ARHGAP26: variants seen among roughly 807,000 people sequenced by gnomAD.
ARHGAP26 encodes rho GTPase-activating protein 26.
Under a neutral mutation model 104.8 loss-of-function variants are expected in ARHGAP26, and 38 were observed. The ratio of observed to expected loss-of-function variants is 0.36; its 90% CI spans 0.28 to 0.48. ARHGAP26 has a LOEUF of 0.48. Among genes scored for constraint, ARHGAP26 ranks in the 20% least tolerant of loss-of-function variants. ARHGAP26 has a pLI of 0.99. For missense variants in ARHGAP26, 704 were observed against 947.9 expected (o/e 0.74, Z 3.38); for synonymous variants, 341 against 340.0 (o/e 1.00, Z -0.03).
Position 143,097,591 on chromosome 5 carries a change from C to T in ARHGAP26, c.1539-23397C>T, listed in dbSNP as rs564713827. Among the ~76,000 whole-genome samples the T allele has an allele frequency of 1.6e-4, 25 of 151,804 alleles. No individual in the cohort carries two copies. The South Asian group carries it at 4.0e-3, about 24-fold the overall frequency. On this transcript the variant is annotated intron_variant, in intron 17 of 22. Transcript: ENST00000645722. ...ATCCCAGCACTTTGGGAGGTCGAGG[C>T]GGGTGGATCATGAGGTCAAGAGATT...
rs138300898 is a variant in ARHGAP26 at position 143,158,203 on chromosome 5, G to A, written c.1988+10822G>A. 2.0e-5 allele frequency among the ~76,000 whole-genome samples: 3 copies of A among 152,112 alleles called. No homozygotes were observed. The East Asian group carries it at 5.8e-4, about 29-fold the overall frequency. On this transcript the variant is annotated intron_variant, in intron 20 of 22. Coordinates refer to ENST00000645722, the MANE Select transcript of ARHGAP26 (RefSeq NM_001135608.3). ...GGATGGACACTCAATGTTTACTTTT[G>A]TTTATTTGTTTGATCCTGATGTAAC...
intron 1 of ARHGAP26, among the ~76,000 whole-genome samples, chr5:142,866,385 T>G (rs923265757): frequency 1.1e-4 from 16 of 152,222 alleles, no homozygotes; most frequent in Non-Finnish European, 1.6e-4. Flanking sequence ...TTAACCTCTC[T>G]GAGCCTCAGT....
intron 5 of ARHGAP26, among the ~76,000 whole-genome samples, chr5:142,888,544 C>A (rs1758040241): frequency 6.6e-6 from 1 of 152,160 alleles, no homozygotes; most frequent in South Asian, 2.1e-4. Context: ...ACGTGGTACA[C>A]CTTTGATGAA....
intron 10 of ARHGAP26, among the ~76,000 whole-genome samples, chr5:142,923,184 G>GCC (rs1396342304): frequency 2.6e-4 from 40 of 152,016 alleles, no homozygotes; most frequent in Non-Finnish European, 5.0e-4. Context: ...GACTTGATTG[G>GCC]GAGGGTGATT....
chr5:143,002,789 G>T (rs977404502), intron 11 of ARHGAP26, among the ~76,000 whole-genome samples: 9 of 152,172 alleles, frequency 5.9e-5, no homozygotes, highest in African/African-American at 1.4e-4. Context: ...CCAATCTTCG[G>T]TTGAAAGCTA....
intron 11 of ARHGAP26, among the ~76,000 whole-genome samples, chr5:142,967,726 G>A (rs1598425150): frequency 6.6e-6 from 1 of 152,286 alleles, no homozygotes. Flanking sequence ...ATTTAGTTGG[G>A]TAAATAGAAG....
At chr5:143,221,794 A>C (rs1811178264) in intron 22 of ARHGAP26, among the ~76,000 whole-genome samples, 1 of 152,178 alleles carries the variant, frequency 6.6e-6, no homozygotes, top group African/African-American at 2.4e-5. Flanking sequence ...AGGTACTGGC[A>C]TTACAGGCGT....
At chr5:142,788,754 T>G (rs1211494116) in intron 1 of ARHGAP26, among the ~76,000 whole-genome samples, 1 of 152,238 alleles carries the variant, frequency 6.6e-6, no homozygotes. Context: ...TATCAGGGAC[T>G]TGAGCATCCA....
intron 1 of ARHGAP26, among the ~76,000 whole-genome samples, chr5:142,805,111 T>C (rs1762752126): frequency 1.3e-5 from 2 of 151,722 alleles, no homozygotes; most frequent in African/African-American, 2.4e-5. Flanking sequence ...CTTTTCTTTT[T>C]TTTTTTTTTG....
intron 11 of ARHGAP26, among the ~76,000 whole-genome samples, chr5:143,001,688 C>A (rs1175651779): frequency 6.6e-6 from 1 of 152,238 alleles, no homozygotes; most frequent in African/African-American, 2.4e-5. Context: ...GGGGGACCCA[C>A]ACAGAGTGCA....
At chr5:143,098,342 A>G (rs1245897914) in intron 17 of ARHGAP26, among the ~76,000 whole-genome samples, 2 of 152,110 alleles carry the variant, frequency 1.3e-5, no homozygotes, top group Non-Finnish European at 2.9e-5. Flanking sequence ...AACGTAGGTG[A>G]TTTTTTTAAT....
intron 1 of ARHGAP26, among the ~76,000 whole-genome samples, chr5:142,834,180 A>T (rs140236715): frequency 6.6e-6 from 1 of 152,234 alleles, no homozygotes; most frequent in Admixed American, 6.5e-5. Context: ...CTTAGCATGT[A>T]TCCAGAAAAG....
chr5:143,104,372 G>T (rs888203680), intron 17 of ARHGAP26, among the ~76,000 whole-genome samples: 2 of 151,946 alleles, frequency 1.3e-5, no homozygotes, highest in African/African-American at 4.8e-5. Context: ...TACCCTGCAG[G>T]TAGTGGCACG....
At position 143,222,465 on chromosome 5, in the gene ARHGAP26, C is replaced by G; in HGVS notation, c.*19C>G. The G allele has an allele frequency of 6.4e-7, 1 of 1,571,238 alleles. No individual in the cohort carries two copies. Among genetic ancestry groups the G allele is most frequent in the African/African-American group, 1.3e-5 (1 of 74,274 alleles). On this transcript the variant is annotated 3_prime_UTR_variant, in exon 23 of 23. Coordinates refer to ENST00000645722, the MANE Select transcript of ARHGAP26 (RefSeq NM_001135608.3). ...CCTCTAACCGTGGGCCCCAGCAGAACTGCTGAGCTTTACATGGTATCCATG... is the reference window on the plus strand; with the variant it reads ...CCTCTAACCGTGGGCCCCAGCAGAAGTGCTGAGCTTTACATGGTATCCATG...
rs5871832 is a variant in ARHGAP26 at position 142,992,058 on chromosome 5, CTTT to C, written c.1108-22016_1108-22014del. Among the ~76,000 whole-genome samples the C allele has an allele frequency of 2.2e-4, 34 of 151,878 alleles. No homozygotes were observed. The South Asian group carries it at 6.4e-3, about 29-fold the overall frequency. On this transcript the variant is annotated intron_variant, in intron 11 of 22. Coordinates refer to ENST00000645722, the MANE Select transcript of ARHGAP26 (RefSeq NM_001135608.3). ...CATATTATCATTGTTATAATTAGGA[CTTT>C]TTTTTGTTTTTGAATATTCCCTATG...
intron 3 of ARHGAP26, among the ~76,000 whole-genome samples, chr5:142,878,170 T>C (rs957682522): frequency 6.6e-6 from 1 of 152,194 alleles, no homozygotes; most frequent in Non-Finnish European, 1.5e-5. Flanking sequence ...GACATGCATG[T>C]GGTTTAGGAA....
At chr5:142,786,529 C>T (rs1051262251) in intron 1 of ARHGAP26, among the ~76,000 whole-genome samples, 1 of 152,004 alleles carries the variant, frequency 6.6e-6, no homozygotes, top group African/African-American at 2.4e-5. Flanking sequence ...AAATTCCTGG[C>T]CTCAAATGAT....
At chr5:142,849,821 C>T (rs1185541770) in intron 1 of ARHGAP26, among the ~76,000 whole-genome samples, 1 of 152,180 alleles carries the variant, frequency 6.6e-6, no homozygotes, top group East Asian at 1.9e-4. Flanking sequence ...GCTTCACCTC[C>T]CATGCTCCCT....
intron 20 of ARHGAP26, among the ~76,000 whole-genome samples, chr5:143,205,098 A>T (rs1419952946): frequency 2.6e-5 from 4 of 152,124 alleles, no homozygotes; most frequent in Non-Finnish European, 5.9e-5. Context: ...AGAGGAGTTG[A>T]CACTTTTCCT....
Sources: allele counts gnomAD v4.1 joint callset (sites outside exome capture counted in the v4.1 genomes callset), GRCh38; gene constraint gnomAD v4.1.1; transcripts MANE v1.5; gene names NCBI Gene and HGNC (gene_info 2026-07-23, HGNC 2026-07-21).